Variants in OPHN1 observed in about 807,000 individuals in gnomAD.
OPHN1 encodes the protein oligophrenin 1.
A neutral mutation model predicts 60.7 loss-of-function variants in OPHN1; 11 were observed. That is an observed-to-expected ratio of 0.18 (90% CI 0.11 to 0.30). The LOEUF is 0.30. Ranked by LOEUF, OPHN1 falls within the 10% of genes least tolerant of loss-of-function variation. OPHN1 has a pLI of 1.00. For synonymous variants in OPHN1, 226 were observed against 222.6 expected (o/e 1.02, Z -0.14); for missense variants, 449 against 611.0 (o/e 0.73, Z 2.80).
intron 3 of OPHN1, among the ~76,000 whole-genome samples, chrX:68,296,028 G>C (rs1264403374): frequency 9.0e-6 from 1 of 111,215 alleles, no homozygotes; most frequent in African/African-American, 3.3e-5. Context: ...TGCGTTCTCA[G>C]CTTCCAAAGC....
Position 68,192,719 on chromosome X carries a change from C to T in OPHN1, c.1276+200G>A, listed in dbSNP as rs781307049. The T allele has an allele frequency of 2.4e-4, 103 of 422,819 alleles. No homozygotes were observed. In the South Asian group the frequency reaches 3.3e-3, roughly 13 times the overall value. 34.8% of individuals were successfully genotyped at this position (422,819 alleles called of 1,213,427 possible). A position where few individuals can be genotyped will look rare whatever the true frequency, so the allele number is the denominator to read the frequency against. On this transcript the variant is annotated intron_variant, in intron 15 of 24. Transcript: ENST00000355520. ...GAGGGTTTCTGGAGTGAATGGGATA[C>T]GAGGAAGGAGAGATAACAGCCATTT...
At chrX:68,084,636 G>A (rs929288945) in intron 19 of OPHN1, among the ~76,000 whole-genome samples, 5 of 110,210 alleles carry the variant, frequency 4.5e-5, no homozygotes, top group Non-Finnish European at 9.5e-5. Context: ...CTCACAGGTT[G>A]TTCTTCTTCA....
chrX:68,313,304 C>A (rs944225189), intron 2 of OPHN1, among the ~76,000 whole-genome samples: 3 of 111,118 alleles, frequency 2.7e-5, no homozygotes, highest in African/African-American at 9.8e-5. Flanking sequence ...TATGATCCTG[C>A]AATCCCACTG....
chrX:68,422,610 A>G (rs866612298), intron 2 of OPHN1, among the ~76,000 whole-genome samples: 75 of 30,767 alleles, frequency 2.4e-3, no homozygotes, highest in Non-Finnish European at 9.7e-3. Context: ...AGAAAAGAAA[A>G]AGAGAGAGAG....
At chrX:68,328,400 C>T (rs1379325208) in intron 2 of OPHN1, among the ~76,000 whole-genome samples, 19 of 102,747 alleles carry the variant, frequency 1.8e-4, no homozygotes, top group East Asian at 6.3e-4. Context: ...AGTGCTGGGA[C>T]TGCAGGCGTG....
intron 8 of OPHN1, 42 bp downstream of exon 8, chrX:68,212,066 G>T: frequency 1.0e-6 from 1 of 971,197 alleles, no homozygotes; most frequent in Admixed American, 2.4e-5. Context: ...AAATTCAATC[G>T]GAATGGAAAG....
At chrX:68,173,828 G>A (rs1346744684) in intron 15 of OPHN1, among the ~76,000 whole-genome samples, 1 of 111,506 alleles carries the variant, frequency 9.0e-6, no homozygotes, top group Non-Finnish European at 1.9e-5. Context: ...TTAATGTTAA[G>A]TGAAAGAAGC....
rs79120446 is a variant in OPHN1 at position 68,359,857 on chromosome X, A to C, written c.155-60761T>G. The stretch of plus-strand genomic sequence containing the variant: ...GGCGACAGAGCGAGACTCCGTCTCA[A>C]AAAAAAAAAAAAAAAAAAAAAAAAA... On this transcript the variant is annotated intron_variant, in intron 2 of 24. Coordinates refer to ENST00000355520, the MANE Select transcript of OPHN1 (RefSeq NM_002547.3). Among the ~76,000 whole-genome samples, 640 of 89,336 alleles carry C rather than the reference A, an allele frequency of 7.2e-3. 4 individuals carry two copies. The highest frequency in any genetic ancestry group is 0.017 in the East Asian group (45 of 2,593). The allele number at this position is 89,336 out of a possible 115,157, so 77.6% of individuals were successfully genotyped here. A position where few individuals can be genotyped will look rare whatever the true frequency, so the allele number is the denominator to read the frequency against.
chrX:68,059,245 G>T (rs1388379564), intron 21 of OPHN1, among the ~76,000 whole-genome samples: 2 of 111,785 alleles, frequency 1.8e-5, no homozygotes, highest in Non-Finnish European at 3.8e-5. Flanking sequence ...TCTGTCAAAT[G>T]ACCATAACCA....
intron 2 of OPHN1, among the ~76,000 whole-genome samples, chrX:68,322,529 G>C (rs1401915466): frequency 8.9e-6 from 1 of 111,787 alleles, no homozygotes; most frequent in Non-Finnish European, 1.9e-5. Flanking sequence ...GCTCATGCTT[G>C]TAATCCCAGC....
intron 2 of OPHN1, among the ~76,000 whole-genome samples, chrX:68,405,521 T>C (rs1240439982): frequency 9.0e-6 from 1 of 111,205 alleles, no homozygotes; most frequent in Admixed American, 9.7e-5. Flanking sequence ...TTTTCTTTCT[T>C]CCCTAGCTTG....
chrX:68,071,199 C>A, intron 20 of OPHN1: 1 of 671,090 alleles, frequency 1.5e-6, no homozygotes, highest in Non-Finnish European at 2.5e-6. Flanking sequence ...AGTTCAGCTC[C>A]TTCTTCATCA....
intron 22 of OPHN1, 30 bp downstream of exon 22, chrX:68,053,614 TC>T: frequency 1.7e-6 from 2 of 1,202,736 alleles, no homozygotes; most frequent in Non-Finnish European, 2.3e-6. Context: ...GTACAGGACT[TC>T]AGTCAACTTT....
chrX:68,314,332 AC>A (rs2078188223), intron 2 of OPHN1, among the ~76,000 whole-genome samples: 1 of 110,343 alleles, frequency 9.1e-6, no homozygotes, highest in Non-Finnish European at 1.9e-5. Context: ...GACCAGCCTG[AC>A]CAACAAGGTG....
chrX:68,229,475 G>A (rs143295260), intron 6 of OPHN1, among the ~76,000 whole-genome samples: 1,737 of 111,321 alleles, frequency 0.016, 40 homozygotes, highest in African/African-American at 0.054. Flanking sequence ...AGCCAAAAGA[G>A]CAAAGCTGGA....
chrX:68,433,048 A>T (rs745468890), intron 1 of OPHN1, 24 bp from the exon 2 acceptor site: 75 of 1,178,307 alleles, frequency 6.4e-5, no homozygotes, highest in Non-Finnish European at 7.7e-5. Context: ...GTAGGGGGAA[A>T]GGGGAAAGAC....
intron 5 of OPHN1, among the ~76,000 whole-genome samples, chrX:68,244,357 T>C: frequency 8.9e-6 from 1 of 112,530 alleles, no homozygotes. Flanking sequence ...CTTCAAAGCA[T>C]TTATTGCATT....
At chrX:68,240,811 AT>A in intron 5 of OPHN1, among the ~76,000 whole-genome samples, 1 of 111,328 alleles carries the variant, frequency 9.0e-6, no homozygotes, top group South Asian at 3.7e-4. Flanking sequence ...AATTTTTTTA[AT>A]TTAAATGCTC....
intron 2 of OPHN1, among the ~76,000 whole-genome samples, chrX:68,405,340 T>C (rs983866156): frequency 1.8e-5 from 2 of 111,175 alleles, no homozygotes; most frequent in Middle Eastern, 9.5e-3. Flanking sequence ...TACGAGCACA[T>C]GACACCACCT....
Sources: gnomAD v4.1 joint callset for allele counts (sites outside exome capture counted in the v4.1 genomes callset) on GRCh38, gnomAD v4.1.1 for gene constraint, MANE v1.5 for transcripts, NCBI Gene and HGNC (gene_info 2026-07-23, HGNC 2026-07-21) for gene names.